NIN: variants seen among roughly 807,000 people sequenced by gnomAD.
NIN encodes ninein.
NIN carries 137 observed loss-of-function variants against 257.6 expected under a neutral mutation model. The ratio of observed to expected loss-of-function variants is 0.53; its 90% CI spans 0.46 to 0.61. NIN has a LOEUF of 0.61. Among genes scored for constraint, NIN ranks in the 20% least tolerant of loss-of-function variants. NIN has a pLI of 0.00. For missense variants in NIN, 2,439 were observed against 2,501.2 expected (o/e 0.98, Z 0.53); for synonymous variants, 918 against 919.8 (o/e 1.00, Z 0.04).
At chr14:50,743,876 G>C (rs1484604680) in intron 23 of NIN, among the ~76,000 whole-genome samples, 4 of 152,074 alleles carry the variant, frequency 2.6e-5, no homozygotes, top group African/African-American at 9.7e-5. Context: ...GGGGAAAAAA[G>C]GTGGTGTTTT....
At chr14:50,826,516 C>T (rs2045464688) in intron 2 of NIN, among the ~76,000 whole-genome samples, 1 of 152,198 alleles carries the variant, frequency 6.6e-6, no homozygotes, top group South Asian at 2.1e-4. Context: ...GTGTTCATTA[C>T]CCCAGCTGAT....
chr14:50,740,864 A>T (rs1241036303), intron 25 of NIN, among the ~76,000 whole-genome samples: 1 of 152,232 alleles, frequency 6.6e-6, no homozygotes, highest in Non-Finnish European at 1.5e-5. Flanking sequence ...AAATCTTGAC[A>T]TCTGCCCCAA....
Position 50,723,445 on chromosome 14 carries a change from G to A in NIN, c.*18C>T. The A allele has an allele frequency of 6.2e-7, 1 of 1,600,876 alleles. No homozygotes were observed. Among genetic ancestry groups the A allele is most frequent in the Non-Finnish European group, 8.5e-7 (1 of 1,169,910 alleles). ...ATTTCAGTAAAGTGCACAAATATGA[G>A]TGTACCCTTTGGTTTGGCTATGACC... On this transcript the variant is annotated 3_prime_UTR_variant, in exon 31 of 31. Transcript: ENST00000530997.
intron 3 of NIN, among the ~76,000 whole-genome samples, chr14:50,812,661 T>C (rs12883458): frequency 0.088 from 13,385 of 152,266 alleles, 723 homozygotes; most frequent in Admixed American, 0.14. Context: ...AAGCATGTCC[T>C]ACTTGGCCAA....
At chr14:50,816,083 A>C (rs1020469737) in intron 3 of NIN, among the ~76,000 whole-genome samples, 1 of 152,184 alleles carries the variant, frequency 6.6e-6, no homozygotes, top group African/African-American at 2.4e-5. Flanking sequence ...ATCCTCAGCA[A>C]ACTAAAGCAG....
At chr14:50,768,230 C>A (rs1354685535) in intron 12 of NIN, among the ~76,000 whole-genome samples, 3 of 151,850 alleles carry the variant, frequency 2.0e-5, no homozygotes, top group Admixed American at 6.6e-5. Flanking sequence ...CACCCTCATA[C>A]AGCAATATAA....
chr14:50,780,176 A>G (rs1185345760), intron 5 of NIN, among the ~76,000 whole-genome samples: 2 of 152,260 alleles, frequency 1.3e-5, no homozygotes, highest in Non-Finnish European at 2.9e-5. Flanking sequence ...TAGCCTCTCC[A>G]GCAAACTGCC....
intron 2 of NIN, among the ~76,000 whole-genome samples, chr14:50,828,354 G>T (rs763055078): frequency 1.3e-5 from 2 of 152,142 alleles, no homozygotes; most frequent in Non-Finnish European, 2.9e-5. Context: ...GACTTAAATT[G>T]CAATAAAGAA....
intron 4 of NIN, among the ~76,000 whole-genome samples, chr14:50,798,545 T>C (rs1301922412): frequency 6.6e-6 from 1 of 152,248 alleles, no homozygotes; most frequent in Non-Finnish European, 1.5e-5. Context: ...ATAATGATTA[T>C]ATAATTGTTT....
In NIN at chr14:50,739,334, C is replaced by G. The variant is rs144035360; in HGVS notation, c.5602G>C (p.Ala1868Pro). The G allele has an allele frequency of 4.2e-5, 67 of 1,614,068 alleles. No homozygotes were observed. Among genetic ancestry groups the G allele is most frequent in the Non-Finnish European group, 5.6e-5 (66 of 1,180,036 alleles). ...RLQTMVQNTK[A>P]ELTHSREKVR... Reference sequence around the variant, plus strand: ...TTCTCCCGGGAGTGCGTGAGTTCGGCTTTGGTGTTCTGTACCATGGTCTGG... The same window carrying G: ...TTCTCCCGGGAGTGCGTGAGTTCGGGTTTGGTGTTCTGTACCATGGTCTGG... The change falls in exon 26 of 31, where the codon GCC (alanine) becomes CCC (proline). Residue 1868 changes from alanine to proline, a missense_variant. Coordinates refer to ENST00000530997, the MANE Select transcript of NIN (RefSeq NM_020921.4).
Position 50,767,920 on chromosome 14 carries a change from C to T in NIN, c.1435-1030G>A, listed in dbSNP as rs143766126. Among the ~76,000 whole-genome samples, 26 of 151,248 alleles carry T rather than the reference C, an allele frequency of 1.7e-4. No individual in the cohort carries two copies. In the East Asian group the frequency reaches 4.5e-3, roughly 26 times the overall value. ...TTCTTTTGGTTTAAAGATATAAAAA[C>T]TGTACATATGAATTGCTCATAATTT... On this transcript the variant is annotated intron_variant, in intron 12 of 30. Coordinates refer to ENST00000530997, the MANE Select transcript of NIN (RefSeq NM_020921.4).
chr14:50,725,992 T>C lies in NIN; in HGVS notation c.6153A>G (p.Lys2051=), dbSNP rs1310079942. The C allele has an allele frequency of 1.9e-6, 3 of 1,614,138 alleles. No individual in the cohort carries two copies. Among genetic ancestry groups the C allele is most frequent in the Non-Finnish European group, 2.5e-6 (3 of 1,179,992 alleles). ...IEVEQKLKLV[K]RLLQEKVNQL... ...GATTCACTTTCTCTTGAAGAAGCCT[T>C]TTCACTAGTTTCAGTTTCTGTTCAA... The change falls in exon 30 of 31, where the codon AAA becomes AAG. Residue 2051 remains lysine (K), a synonymous_variant. Coordinates refer to ENST00000530997, the MANE Select transcript of NIN (RefSeq NM_020921.4).
chr14:50,770,736 G>T, intron 11 of NIN, 116 bp downstream of exon 11: 3 of 1,380,072 alleles, frequency 2.2e-6, no homozygotes, highest in East Asian at 4.7e-5. Context: ...AGCAAGGTGT[G>T]GCCAACAGGC....
chr14:50,771,037 C>T (rs749530480), intron 10 of NIN, 45 bp from the exon 11 acceptor site: 1 of 1,591,296 alleles, frequency 6.3e-7, no homozygotes, highest in East Asian at 2.2e-5. Flanking sequence ...TGTTTCTAAG[C>T]AACAAGTAGA....
intron 4 of NIN, chr14:50,806,036 ACT>A (rs2044310494): frequency 6.6e-6 from 1 of 152,110 alleles, no homozygotes; most frequent in South Asian, 2.1e-4. Flanking sequence ...AGATTTAGAC[ACT>A]CTGAAATGAG....
At chr14:50,774,420 C>T (rs1215436410) in intron 7 of NIN, among the ~76,000 whole-genome samples, 2 of 152,156 alleles carry the variant, frequency 1.3e-5, no homozygotes, top group South Asian at 2.1e-4. Flanking sequence ...TGCTTTCATA[C>T]GACTTCCTCT....
intron 12 of NIN, among the ~76,000 whole-genome samples, chr14:50,767,259 T>C (rs1376981527): frequency 2.0e-5 from 3 of 152,196 alleles, no homozygotes; most frequent in Non-Finnish European, 4.4e-5. Context: ...TGTATACTGA[T>C]AATGTGTCAA....
chr14:50,817,701 G>A (rs1328028358), intron 3 of NIN, among the ~76,000 whole-genome samples: 5 of 152,066 alleles, frequency 3.3e-5, no homozygotes, highest in African/African-American at 1.2e-4. Context: ...GGGCTGTTTT[G>A]TCTCAAAGTT....
intron 2 of NIN, among the ~76,000 whole-genome samples, chr14:50,830,172 AC>A (rs1453720955): frequency 6.6e-6 from 1 of 152,132 alleles, no homozygotes; most frequent in African/African-American, 2.4e-5. Context: ...CAACGGAACC[AC>A]CACCCCTTCT....
Sources: gnomAD v4.1 joint callset for allele counts (sites outside exome capture counted in the v4.1 genomes callset) on GRCh38, gnomAD v4.1.1 for gene constraint, MANE v1.5 for transcripts, NCBI Gene and HGNC (gene_info 2026-07-23, HGNC 2026-07-21) for gene names.